TRAK1: variants seen among roughly 807,000 people sequenced by gnomAD.
TRAK1 encodes the protein trafficking kinesin protein 1, also known as trafficking kinesin-binding protein 1.
TRAK1 carries 33 observed loss-of-function variants against 92.1 expected under a neutral mutation model. That is an observed-to-expected ratio of 0.36 (90% CI 0.27 to 0.48). The LOEUF (loss-of-function observed/expected upper bound fraction) is 0.48, where lower values mean the gene tolerates loss of function less well. Among genes scored for constraint, TRAK1 ranks in the 20% least tolerant of loss-of-function variants. TRAK1 has a pLI of 0.99. For missense variants in TRAK1, 1,123 were observed against 1,257.9 expected (o/e 0.89, Z 1.62); for synonymous variants, 521 against 517.3 (o/e 1.01, Z -0.10).
intron 14 of TRAK1, among the ~76,000 whole-genome samples, chr3:42,213,004 C>T (rs1302865620): frequency 6.6e-6 from 1 of 151,414 alleles, no homozygotes; most frequent in Non-Finnish European, 1.5e-5. Context: ...ATCTTGACAT[C>T]TTACCTGGCA....
chr3:42,160,293 T>A, intron 2 of TRAK1: 1 of 1,587,720 alleles, frequency 6.3e-7, no homozygotes. Context: ...CTCCTCTGGG[T>A]AGGGGGTCGG....
chr3:42,140,182 C>T (rs1698471106), intron 2 of TRAK1, among the ~76,000 whole-genome samples: 1 of 152,158 alleles, frequency 6.6e-6, no homozygotes, highest in Non-Finnish European at 1.5e-5. Context: ...AAAAGCCAAG[C>T]TTTGTTCCCC....
At chr3:42,096,289 G>A (rs913272353) in intron 1 of TRAK1, among the ~76,000 whole-genome samples, 2 of 152,070 alleles carry the variant, frequency 1.3e-5, no homozygotes, top group East Asian at 3.9e-4. Context: ...GTCTTGCTCT[G>A]TTGCTCAGGC....
intron 1 of TRAK1, among the ~76,000 whole-genome samples, chr3:42,043,643 A>T (rs1436878057): frequency 6.8e-6 from 1 of 146,396 alleles, no homozygotes; most frequent in Non-Finnish European, 1.5e-5. Context: ...AGTAAAGGGG[A>T]TCCTGGTTTT....
At chr3:42,149,521 G>A (rs1425200030) in intron 2 of TRAK1, 28 of 1,535,998 alleles carry the variant, frequency 1.8e-5, no homozygotes, top group Non-Finnish European at 2.3e-5. Flanking sequence ...TCTTTCCTCT[G>A]CAAGACTACT....
At chr3:42,192,474 T>TAAGTATTTTGTATTTCGTCAAAGTACC (rs1705945932) in intron 7 of TRAK1, among the ~76,000 whole-genome samples, 1 of 131,810 alleles carries the variant, frequency 7.6e-6, no homozygotes, top group Non-Finnish European at 1.6e-5. Flanking sequence ...GTCAAAGTAC[T>TAAGTATTTTGTATTTCGTCAAAGTACC]AAGTATTTTG....
chr3:42,029,967 G>A (rs1441205527), intron 1 of TRAK1, among the ~76,000 whole-genome samples: 3 of 152,108 alleles, frequency 2.0e-5, no homozygotes, highest in African/African-American at 7.2e-5. Context: ...GAGAAGGAGA[G>A]TGGTAGAAGG....
chr3:42,189,054 A>G lies in TRAK1; in HGVS notation c.620A>G (p.Tyr207Cys), dbSNP rs145279682. 1,522 of 1,614,134 alleles carry G rather than the reference A, an allele frequency of 9.4e-4. 3 individuals are homozygous for G. The highest frequency in any genetic ancestry group is 9.8e-4 in the Non-Finnish European group (1,160 of 1,179,978). Residue 207 changes from tyrosine (Y) to cysteine (C), a missense_variant, in exon 6 of 16, where the codon TAC (tyrosine) becomes TGC (cysteine). Coordinates refer to ENST00000327628, the MANE Select transcript of TRAK1 (RefSeq NM_001042646.3). ...RNESSSSVQNYFHLDSLQKKL... is the reference protein window; with the variant it reads ...RNESSSSVQNCFHLDSLQKKL... ...GAGTCGTCCTCCTCAGTCCAGAATT[A>G]CTTTCATTTGGATTCTCTTCAAAAG...
rs138856754 is a variant in TRAK1, at chr3:42,140,298, C to T, written c.286+14684C>T. Among the ~76,000 whole-genome samples the T allele has an allele frequency of 3.3e-3, 496 of 152,142 alleles. 3 individuals carry two copies. Among genetic ancestry groups the T allele is most frequent in the African/African-American group, 0.011 (448 of 41,500 alleles). ...TGTTCATTAGCAGTCTGCCTTCTGC[C>T]GTGGGTGCTCAGTGACTGGCAGCGG... On this transcript the variant is annotated intron_variant, in intron 2 of 15. Transcript: ENST00000327628.
chr3:42,158,337 T>C lies in TRAK1; in HGVS notation c.287-18477T>C, dbSNP rs367708458. On this transcript the variant is annotated intron_variant, in intron 2 of 15. Transcript: ENST00000327628. ...TATCGTCAATCTGATACTTGCTGAA[T>C]GAATCACGCACAAGGTGGAGGTTCT... 9.8e-5 allele frequency among the ~76,000 whole-genome samples: 15 copies of C among 152,326 alleles called. No individual in the cohort carries two copies. In the East Asian group the frequency reaches 2.9e-3, roughly 29 times the overall value.
intron 1 of TRAK1, among the ~76,000 whole-genome samples, chr3:42,121,355 G>T (rs1184306225): frequency 6.6e-6 from 1 of 151,888 alleles, no homozygotes; most frequent in Non-Finnish European, 1.5e-5. Context: ...CGCCTCCGGG[G>T]TTCACACCAT....
At chr3:42,201,504 T>C (rs764736137) in intron 12 of TRAK1, among the ~76,000 whole-genome samples, 15 of 152,034 alleles carry the variant, frequency 9.9e-5, no homozygotes, top group Non-Finnish European at 1.6e-4. Context: ...TCTGTTCTGC[T>C]TACCCACTTG....
At chr3:42,088,469 A>C (rs1291150820), upstream of TRAK1, among the ~76,000 whole-genome samples, 2 of 152,146 alleles carry the variant, frequency 1.3e-5, no homozygotes, top group Non-Finnish European at 2.9e-5. Flanking sequence ...CTACTGCATC[A>C]TTCTTTTCCC....
At chr3:42,115,607 G>A (rs993106521) in intron 1 of TRAK1, among the ~76,000 whole-genome samples, 6 of 152,196 alleles carry the variant, frequency 3.9e-5, no homozygotes, top group African/African-American at 1.4e-4. Context: ...CGTTTCTTCT[G>A]TTGGTAATTA....
rs756252715 is a variant in TRAK1 at position 42,188,105 on chromosome 3, G to A, written c.541G>A (p.Ala181Thr). The A allele has an allele frequency of 3.1e-6, 5 of 1,614,144 alleles. No homozygotes were observed. The South Asian group carries it at 3.3e-5, about 11-fold the overall frequency. ...KDELLQFYTS[A>T]AEESEPESVC... The stretch of plus-strand genomic sequence containing the variant: ...TGAGCTGCTTCAGTTCTACACCAGC[G>A]CTGCGGAGGAGAGTGAGCCCGAGTC... The change falls in exon 5 of 16, where the codon GCT (alanine) becomes ACT (threonine). Residue 181 changes from alanine to threonine, a missense_variant. Coordinates refer to ENST00000327628, the MANE Select transcript of TRAK1 (RefSeq NM_001042646.3).
chr3:42,039,877 C>T (rs1350770155), intron 1 of TRAK1, among the ~76,000 whole-genome samples: 4 of 152,076 alleles, frequency 2.6e-5, no homozygotes, highest in Non-Finnish European at 4.4e-5. Context: ...AGATCCTTGC[C>T]AAAATTTGTT....
At position 42,098,600 on chromosome 3, in the gene TRAK1, C is replaced by T. The variant is rs377472014; in HGVS notation, c.91+7040C>T. Among the ~76,000 whole-genome samples, 3 of 152,306 alleles carry T rather than the reference C, an allele frequency of 2.0e-5. No individual in the cohort carries two copies. In the South Asian group the frequency reaches 6.2e-4, roughly 32 times the overall value. ...AAAGAGAACAGAGAGCTCCAGCCAG[C>T]TCACCCTTTGGGGTGACTGGAAGCT... On this transcript the variant is annotated intron_variant, in intron 1 of 15. Transcript: ENST00000327628.
intron 10 of TRAK1, among the ~76,000 whole-genome samples, chr3:42,198,235 G>A (rs938906234): frequency 6.6e-6 from 1 of 152,168 alleles, no homozygotes; most frequent in African/African-American, 2.4e-5. Context: ...GGTGGTACAG[G>A]AGAGGGGACA....
At chr3:42,035,223 T>C (rs1702283896) in intron 1 of TRAK1, among the ~76,000 whole-genome samples, 1 of 152,212 alleles carries the variant, frequency 6.6e-6, no homozygotes, top group East Asian at 1.9e-4. Context: ...CCTTGGCTTC[T>C]GGGAAGCTAC....
Sources: allele counts gnomAD v4.1 joint callset (sites outside exome capture counted in the v4.1 genomes callset), GRCh38; gene constraint gnomAD v4.1.1; transcripts MANE v1.5; gene names NCBI Gene and HGNC (gene_info 2026-07-23, HGNC 2026-07-21).